The following VPS41 variants were observed in gnomAD, a reference collection of about 807,000 sequenced individuals.
VPS41 encodes the protein vacuolar protein sorting-associated protein 41 homolog.
VPS41 carries 85 observed loss-of-function variants against 130.9 expected under a neutral mutation model. That is an observed-to-expected ratio of 0.65 (90% CI 0.55 to 0.78). The LOEUF (loss-of-function observed/expected upper bound fraction) is 0.78. Among genes scored for constraint, VPS41 ranks in the 30% least tolerant of loss-of-function variants. The pLI is 0.00. For missense variants in VPS41, 874 were observed against 1,018.7 expected (o/e 0.86, Z 1.93); for synonymous variants, 335 against 332.9 (o/e 1.01, Z -0.07).
chr7:38,854,540 G>T (rs1020546207), intron 4 of VPS41, among the ~76,000 whole-genome samples: 1 of 152,116 alleles, frequency 6.6e-6, no homozygotes, highest in Non-Finnish European at 1.5e-5. Context: ...AACTGTCAAA[G>T]AGATGGTCAT....
chr7:38,752,084 AAC>A, intron 22 of VPS41, 90 bp downstream of exon 22: 1 of 1,547,246 alleles, frequency 6.5e-7, no homozygotes, highest in African/African-American at 1.4e-5. Flanking sequence ...GGGACAGATG[AAC>A]AGAGATAGAA....
chr7:38,801,740 T>C (rs1454201120), intron 7 of VPS41, among the ~76,000 whole-genome samples: 2 of 152,228 alleles, frequency 1.3e-5, no homozygotes, highest in Non-Finnish European at 2.9e-5. Flanking sequence ...AAAAGGATCA[T>C]ATCTTATACT....
chr7:38,761,639 T>A (rs1199307084), intron 17 of VPS41, among the ~76,000 whole-genome samples: 1 of 151,924 alleles, frequency 6.6e-6, no homozygotes, highest in Admixed American at 6.6e-5. Context: ...TCACCTAAGC[T>A]GGAGTGCAGT....
intron 4 of VPS41, among the ~76,000 whole-genome samples, chr7:38,845,693 A>G (rs1785708376): frequency 6.6e-6 from 1 of 152,220 alleles, no homozygotes; most frequent in African/African-American, 2.4e-5. Flanking sequence ...AACCAGTCTG[A>G]GCAATGGCAT....
intron 2 of VPS41, among the ~76,000 whole-genome samples, chr7:38,892,405 T>C (rs1786885463): frequency 1.3e-5 from 2 of 152,258 alleles, no homozygotes; most frequent in Admixed American, 6.5e-5. Flanking sequence ...CAGATTAAGA[T>C]ACCTAAAGAG....
At chr7:38,886,501 A>T (rs1403314590) in intron 2 of VPS41, among the ~76,000 whole-genome samples, 1 of 152,198 alleles carries the variant, frequency 6.6e-6, no homozygotes, top group Non-Finnish European at 1.5e-5. Context: ...TCACAGTGTA[A>T]ACAAAGTGGC....
chr7:38,771,173 T>C, intron 14 of VPS41, 25 bp downstream of exon 14: 1 of 1,514,020 alleles, frequency 6.6e-7, no homozygotes. Context: ...AAAATTATGT[T>C]TCAAATAACA....
chr7:38,763,228 A>G (rs1783958948), intron 17 of VPS41, among the ~76,000 whole-genome samples: 1 of 152,196 alleles, frequency 6.6e-6, no homozygotes, highest in South Asian at 2.1e-4. Context: ...CTTTAGTTCT[A>G]GAAAGAAGGT....
chr7:38,847,231 T>A (rs1401201790), intron 4 of VPS41, among the ~76,000 whole-genome samples: 3 of 152,172 alleles, frequency 2.0e-5, no homozygotes, highest in Admixed American at 6.5e-5. Flanking sequence ...TGATCTGAAC[T>A]ATTTTAAATG....
At chr7:38,782,979 T>C (rs943099596) in intron 10 of VPS41, among the ~76,000 whole-genome samples, 9 of 151,788 alleles carry the variant, frequency 5.9e-5, no homozygotes, top group Non-Finnish European at 1.2e-4. Flanking sequence ...TAGCTGGCAG[T>C]GGTGACAACG....
At chr7:38,866,841 G>T (rs999464789) in intron 3 of VPS41, among the ~76,000 whole-genome samples, 6 of 152,248 alleles carry the variant, frequency 3.9e-5, no homozygotes, top group African/African-American at 9.6e-5. Context: ...ATGATCAATA[G>T]GAAAAGAATG....
chr7:38,894,970 C>T (rs1162379494), intron 2 of VPS41, among the ~76,000 whole-genome samples: 1 of 152,182 alleles, frequency 6.6e-6, no homozygotes, highest in East Asian at 1.9e-4. Flanking sequence ...AGTCTCATTC[C>T]CTAACTTCCT....
intron 2 of VPS41, among the ~76,000 whole-genome samples, chr7:38,890,233 G>C (rs1401172945): frequency 6.6e-6 from 1 of 152,162 alleles, no homozygotes; most frequent in Non-Finnish European, 1.5e-5. Flanking sequence ...TGAGTGGTCT[G>C]CCTACAACTA....
chr7:38,795,688 A>G (rs1403404813), intron 8 of VPS41, 77 bp from the exon 9 acceptor site: 1 of 1,294,266 alleles, frequency 7.7e-7, no homozygotes, highest in Non-Finnish European at 1.1e-6. Context: ...CCCCTGCTAC[A>G]TACTACCAAT....
chr7:38,903,624 C>G (rs1034638043), intron 1 of VPS41, among the ~76,000 whole-genome samples: 1 of 152,186 alleles, frequency 6.6e-6, no homozygotes, highest in Admixed American at 6.5e-5. Flanking sequence ...GTCTTCCCAA[C>G]AAACTATGCG....
At chr7:38,903,936 C>T (rs1787196923) in intron 1 of VPS41, among the ~76,000 whole-genome samples, 1 of 152,048 alleles carries the variant, frequency 6.6e-6, no homozygotes, top group South Asian at 2.1e-4. Context: ...GAAAAGAGGG[C>T]AAACTTGGTA....
chr7:38,754,855 C>T (rs200816428), intron 20 of VPS41, 40 bp downstream of exon 20: 13 of 1,596,214 alleles, frequency 8.1e-6, no homozygotes, highest in East Asian at 4.5e-5. Context: ...GAGTCCCAGA[C>T]GTTCATCTGG....
chr7:38,835,285 T>C (rs1785471010), intron 4 of VPS41, among the ~76,000 whole-genome samples: 1 of 151,982 alleles, frequency 6.6e-6, no homozygotes, highest in Non-Finnish European at 1.5e-5. Flanking sequence ...TTTCCCTTTT[T>C]ACTTTAGAAC....
intron 4 of VPS41, among the ~76,000 whole-genome samples, chr7:38,845,865 T>A (rs1177473668): frequency 6.6e-6 from 1 of 152,240 alleles, no homozygotes; most frequent in Non-Finnish European, 1.5e-5. Flanking sequence ...TCTTTCCGTA[T>A]ATAAGTAATC....
Sources: allele counts gnomAD v4.1 joint callset (sites outside exome capture counted in the v4.1 genomes callset), GRCh38; gene constraint gnomAD v4.1.1; transcripts MANE v1.5; gene names NCBI Gene and HGNC (gene_info 2026-07-23, HGNC 2026-07-21).